PDZK1: variants seen among roughly 807,000 people sequenced by gnomAD.
PDZK1 encodes the protein Na(+)/H(+) exchange regulatory cofactor NHE-RF3.
PDZK1 carries 23 observed loss-of-function variants against 38.1 expected under a neutral mutation model. That is an observed-to-expected ratio of 0.60 (90% CI 0.43 to 0.85). The LOEUF (loss-of-function observed/expected upper bound fraction) is 0.85, where lower values mean the gene tolerates loss of function less well. PDZK1 is among the 40% of genes least tolerant of loss of function. The pLI, the probability that PDZK1 is intolerant of heterozygous loss-of-function variation, is 0.00. For missense variants in PDZK1, 297 were observed against 504.3 expected, an observed-to-expected ratio of 0.59 and a Z score of 3.94; for synonymous variants, 98 against 186.2, an observed-to-expected ratio of 0.53 and a Z score of 3.86.
chr1:145,686,670 C>T lies in PDZK1; in HGVS notation c.267G>A (p.Gly89=). The T allele has an allele frequency of 6.3e-7, 1 of 1,578,364 alleles. No homozygotes were observed. The highest frequency in any genetic ancestry group is 8.7e-7 in the Non-Finnish European group (1 of 1,152,920). The part of the protein sequence containing the change: ...GNSVTLLVLD[G]DSYEKAVKTR... ...TTTTCACTGCTTTCTCATAGGAATC[C>T]CCATCCAGAACTAGTAAAGTCACTG... is the stretch of plus-strand genomic sequence containing the variant. Residue 89 remains glycine, a synonymous_variant, in exon 3 of 9, where the codon GGG becomes GGA. Transcript: ENST00000417171.
rs1438839246 is a variant in PDZK1, at chr1:145,674,364, G to GTGAT, written c.991-487_991-484dup. ...AGAAAAAGTAAAACACAAGACACTT[G>GTGAT]TGATAGTTAATTTTAGATGCCAACT... On this transcript the variant is annotated intron_variant, in intron 6 of 8. Coordinates refer to ENST00000417171, the MANE Select transcript of PDZK1 (RefSeq NM_001201325.2). 221 of 620,650 alleles carry GTGAT rather than the reference G, an allele frequency of 3.6e-4. 1 individual carries two copies. In the African/African-American group the frequency reaches 4.2e-3, roughly 12 times the overall value. 38.4% of individuals were successfully genotyped at this position (620,650 alleles called of 1,614,324 possible). A position where few individuals can be genotyped will look rare whatever the true frequency, so the allele number is the denominator to read the frequency against.
chr1:145,683,255 G>A (rs782773140), intron 3 of PDZK1, among the ~76,000 whole-genome samples: 1 of 152,204 alleles, frequency 6.6e-6, no homozygotes, highest in Non-Finnish European at 1.5e-5. Context: ...TTACTCAGTG[G>A]GTATTTGTTG....
intron 1 of PDZK1, among the ~76,000 whole-genome samples, chr1:145,697,144 T>TG (rs1384843263): frequency 6.6e-6 from 1 of 152,022 alleles, no homozygotes; most frequent in Non-Finnish European, 1.5e-5. Context: ...CCTGGCCAAC[T>TG]GGTGAAGCCC....
At chr1:145,679,066 G>T (rs768789865) in intron 5 of PDZK1, among the ~76,000 whole-genome samples, 1,890 of 151,198 alleles carry the variant, frequency 0.013, 22 homozygotes, top group African/African-American at 0.02. Flanking sequence ...AAGAAACCCA[G>T]GCTGGCATTT....
intron 1 of PDZK1, among the ~76,000 whole-genome samples, chr1:145,696,731 G>A (rs1386539920): frequency 6.6e-6 from 1 of 152,178 alleles, no homozygotes; most frequent in Admixed American, 6.5e-5. Flanking sequence ...GCCCACCCAG[G>A]CTGTGTGTTT....
rs1654804971 is a variant in PDZK1, at chr1:145,686,700, C to A, written c.237G>T (p.Gly79=). The change falls in exon 3 of 9, where the codon GGG becomes GGT. Residue 79 remains glycine, a synonymous_variant. Coordinates refer to ENST00000417171, the MANE Select transcript of PDZK1 (RefSeq NM_001201325.2). ...MQVVDLVRKS[G]NSVTLLVLDG... ...CCAGAACTAGTAAAGTCACTGAATT[C>A]CCACTCTTTCTGACCAGATCCACAA... is the stretch of plus-strand genomic sequence containing the variant. The A allele has an allele frequency of 6.5e-7, 1 of 1,547,318 alleles. No homozygotes were observed. Among genetic ancestry groups the A allele is most frequent in the Admixed American group, 1.7e-5 (1 of 58,114 alleles).
chr1:145,702,888 G>A (rs192407327), intron 1 of PDZK1, among the ~76,000 whole-genome samples: 25 of 151,958 alleles, frequency 1.6e-4, no homozygotes, highest in Admixed American at 5.9e-4. Flanking sequence ...GCAAGACTCC[G>A]TCTCAAAAAA....
intron 2 of PDZK1, among the ~76,000 whole-genome samples, chr1:145,687,336 G>T (rs1369899696): frequency 6.6e-6 from 1 of 150,416 alleles, no homozygotes; most frequent in East Asian, 1.9e-4. Context: ...TGGCTAACAC[G>T]GTGAAACCCC....
chr1:145,679,740 AG>A (rs1489046938), intron 5 of PDZK1, among the ~76,000 whole-genome samples: 3 of 152,172 alleles, frequency 2.0e-5, no homozygotes, highest in Non-Finnish European at 4.4e-5. Flanking sequence ...AGATGTGCAA[AG>A]CCCCCAAGAC....
intron 1 of PDZK1, among the ~76,000 whole-genome samples, chr1:145,699,003 C>T (rs924016101): frequency 1.3e-5 from 2 of 151,486 alleles, no homozygotes; most frequent in African/African-American, 2.4e-5. Flanking sequence ...TTTTGGAGGC[C>T]GAGGCAGGCG....
Position 145,672,826 on chromosome 1 carries a change from A to T in PDZK1, c.1410T>A (p.Ile470=), listed in dbSNP as rs782321027. ...CAAGTGGATCAGCCAGGGAGGAAAC[A>T]ATAGGGATTTTCTTAGCTTGGAAAT... ...YDYFQAKKIP[I]VSSLADPLDT... The change falls in exon 8 of 9, where the codon ATT becomes ATA. Residue 470 remains isoleucine, a synonymous_variant. Transcript: ENST00000417171. 15 of 1,611,558 alleles carry T rather than the reference A, an allele frequency of 9.3e-6. No individual in the cohort carries two copies. The highest frequency in any genetic ancestry group is 1.2e-5 in the Non-Finnish European group (14 of 1,179,672).
At chr1:145,693,697 C>G (rs1553703728) in intron 1 of PDZK1, among the ~76,000 whole-genome samples, 2 of 151,866 alleles carry the variant, frequency 1.3e-5, no homozygotes, top group Admixed American at 6.6e-5. Context: ...TGGCGTGAAC[C>G]CGGAAGGCGG....
chr1:145,686,375 T>C (rs1654770679), intron 3 of PDZK1, 102 bp downstream of exon 3: 11 of 1,483,846 alleles, frequency 7.4e-6, no homozygotes, highest in Non-Finnish European at 1.0e-5. Flanking sequence ...AACTGAAAAG[T>C]CAGTCAAAGA....
At chr1:145,674,153 A>T (rs1200157143) in intron 6 of PDZK1, 20 of 984,858 alleles carry the variant, frequency 2.0e-5, no homozygotes, top group Non-Finnish European at 2.3e-5. Context: ...ATCCCAAAAG[A>T]AGTCTAAAAA....
chr1:145,694,389 G>GC (rs1655493871), intron 1 of PDZK1, among the ~76,000 whole-genome samples: 2 of 152,186 alleles, frequency 1.3e-5, no homozygotes, highest in Non-Finnish European at 2.9e-5. Context: ...TGGGGCAGGT[G>GC]AAATCTGTTT....
chr1:145,704,304 C>A (rs954259119), intron 1 of PDZK1, among the ~76,000 whole-genome samples: 4 of 152,230 alleles, frequency 2.6e-5, no homozygotes, highest in Non-Finnish European at 5.9e-5. Flanking sequence ...CTATCTGTGC[C>A]TCCAACCAGG....
intron 6 of PDZK1, among the ~76,000 whole-genome samples, chr1:145,674,504 A>G (rs1343613763): frequency 2.6e-5 from 4 of 152,164 alleles, no homozygotes; most frequent in Admixed American, 2.0e-4. Flanking sequence ...AGAAAAGGCA[A>G]AGGTGTCAGT....
intron 1 of PDZK1, among the ~76,000 whole-genome samples, chr1:145,688,657 G>A (rs1174392449): frequency 6.6e-6 from 1 of 152,088 alleles, no homozygotes; most frequent in African/African-American, 2.4e-5. Flanking sequence ...ACAGGACAAG[G>A]AAGAGCTTAA....
chr1:145,701,738 G>T (rs1553705013), intron 1 of PDZK1, among the ~76,000 whole-genome samples: 1 of 152,104 alleles, frequency 6.6e-6, no homozygotes, highest in East Asian at 1.9e-4. Context: ...CCTTCCAACA[G>T]CATAAGCAAA....
Sources: gnomAD v4.1 joint callset for allele counts (sites outside exome capture counted in the v4.1 genomes callset) on GRCh38, gnomAD v4.1.1 for gene constraint, MANE v1.5 for transcripts, NCBI Gene and HGNC (gene_info 2026-07-23, HGNC 2026-07-21) for gene names.